TINAGL1: variants seen among roughly 807,000 people sequenced by gnomAD.
TINAGL1 encodes the protein tubulointerstitial nephritis antigen like 1, also known as tubulointerstitial nephritis antigen-like.
TINAGL1 carries 34 observed loss-of-function variants against 62.0 expected under a neutral mutation model. The observed-to-expected ratio is 0.55, with a 90% CI of 0.42 to 0.73. The LOEUF (loss-of-function observed/expected upper bound fraction) is 0.73. Among genes scored for constraint, TINAGL1 ranks in the 30% least tolerant of loss-of-function variants. The probability of loss-of-function intolerance (pLI) is 0.00; values close to 1 mark genes in which losing one functional copy is unlikely to be tolerated. For missense variants in TINAGL1, 516 were observed against 653.2 expected, an observed-to-expected ratio of 0.79 and a Z score of 2.29; for synonymous variants, 221 against 249.7, an observed-to-expected ratio of 0.88 and a Z score of 1.08.
In TINAGL1 at chr1:31,584,459, C is replaced by A; in HGVS notation, c.583-219C>A. On this transcript the variant is annotated intron_variant, in intron 5 of 11. Coordinates refer to ENST00000271064, the MANE Select transcript of TINAGL1 (RefSeq NM_022164.3). This position sits in a 1 kb window ranked among gnomAD's most constrained non-coding sequence, Gnocchi z 4.0. ...AAGCAGGACTAGTCACCACCGCCACCCCGCCCCGCCCCACCACCTGATACC... is the reference window on the plus strand; with the variant it reads ...AAGCAGGACTAGTCACCACCGCCACACCGCCCCGCCCCACCACCTGATACC... 1 of 617,700 alleles carries A rather than the reference C, an allele frequency of 1.6e-6. No homozygotes were observed. The highest frequency in any genetic ancestry group is 3.2e-5 in the East Asian group (1 of 31,424). 38.3% of individuals were successfully genotyped at this position (617,700 alleles called of 1,614,324 possible).
rs565042661 is a variant in TINAGL1 at position 31,576,753 on chromosome 1, G to C, written c.-16+158G>C. 3.9e-5 allele frequency among the ~76,000 whole-genome samples: 6 copies of C among 152,314 alleles called. No homozygotes were observed. Among genetic ancestry groups the C allele is most frequent in the African/African-American group, 1.4e-4 (6 of 41,576 alleles). ...AAGAGAGGTGTACCCAAAAGACCGGGGGAGACAGGAAAGCACAAAGTCAAG... is the reference window on the plus strand; with the variant it reads ...AAGAGAGGTGTACCCAAAAGACCGGCGGAGACAGGAAAGCACAAAGTCAAG... On this transcript the variant is annotated intron_variant, in intron 1 of 11. Transcript: ENST00000271064. This position sits in a 1 kb window ranked among gnomAD's most constrained non-coding sequence, Gnocchi z 5.1.
At chr1:31,581,916 T>A (rs1199345998) in intron 3 of TINAGL1, among the ~76,000 whole-genome samples, 1 of 152,214 alleles carries the variant, frequency 6.6e-6, no homozygotes, top group African/African-American at 2.4e-5. Flanking sequence ...AGTCATTGAC[T>A]CAGTTAACAA....
chr1:31,584,991 G>A lies in TINAGL1; in HGVS notation c.812G>A (p.Arg271His), dbSNP rs948277692. 11 of 1,610,902 alleles carry A rather than the reference G, an allele frequency of 6.8e-6. No individual in the cohort carries two copies. The highest frequency in any genetic ancestry group is 4.0e-5 in the African/African-American group (3 of 74,888). The change falls in exon 7 of 12, where the codon CGC (arginine) becomes CAC (histidine). Residue 271 changes from arginine to histidine, a missense_variant. Coordinates refer to ENST00000271064, the MANE Select transcript of TINAGL1 (RefSeq NM_022164.3). The surrounding 1 kb of genome is among the most constrained non-coding windows in gnomAD (Gnocchi z 4.0). ...SCDTHQQQGC[R>H]GGRLDGAWWF... Reference sequence around the variant, plus strand: ...GACACCCACCAGCAGCAGGGCTGCCGCGGTGGGCGTCTCGATGGTGCCTGG... The same window carrying A: ...GACACCCACCAGCAGCAGGGCTGCCACGGTGGGCGTCTCGATGGTGCCTGG...
At chr1:31,586,324 A>G in intron 10 of TINAGL1, 1 of 401,296 alleles carries the variant, frequency 2.5e-6, no homozygotes, top group Non-Finnish European at 4.5e-6. Context: ...TAAGATACCC[A>G]TATTCTCAGA....
At position 31,585,454 on chromosome 1, in the gene TINAGL1, G is replaced by A. The variant is rs867171875; in HGVS notation, c.1062G>A (p.Met354Ile). Residue 354 changes from methionine to isoleucine, a missense_variant, in exon 9 of 12, where the codon ATG becomes ATA. By Grantham distance (10) the Met-to-Ile change is conservative. Coordinates refer to ENST00000271064, the MANE Select transcript of TINAGL1 (RefSeq NM_022164.3). This position sits in a 1 kb window ranked among gnomAD's most constrained non-coding sequence, Gnocchi z 4.3. ...YRLGSNDKEI[M>I]KELMENGPVQ... is the part of the protein sequence containing the mutation. ...CTGCCCTCCAGGACAAGGAGATCATGAAGGAGCTGATGGAGAATGGCCCTG... is the reference window on the plus strand; with the variant it reads ...CTGCCCTCCAGGACAAGGAGATCATAAAGGAGCTGATGGAGAATGGCCCTG... 1 of 1,614,216 alleles carries A rather than the reference G, an allele frequency of 6.2e-7. No individual in the cohort carries two copies. Among genetic ancestry groups the A allele is most frequent in the Non-Finnish European group, 8.5e-7 (1 of 1,180,034 alleles).
At chr1:31,586,799 C>T (rs1340011177) in intron 11 of TINAGL1, 40 bp from the exon 12 acceptor site, 3 of 1,548,224 alleles carry the variant, frequency 1.9e-6, no homozygotes, top group South Asian at 1.2e-5. Context: ...CCCCTCGCCC[C>T]ACTCCCATTC....
Position 31,584,415 on chromosome 1 carries a change from C to A in TINAGL1, c.583-263C>A. 2.0e-6 allele frequency: 1 copy of A among 495,568 alleles called. No individual in the cohort carries two copies. 30.7% of individuals were successfully genotyped at this position (495,568 alleles called of 1,614,324 possible). Reference sequence around the variant, plus strand: ...GCCTGGCCACTTCTCTGTGCCTGGCCTCAGCTGCCTCATCTGGGAAGCAGG... The same window carrying A: ...GCCTGGCCACTTCTCTGTGCCTGGCATCAGCTGCCTCATCTGGGAAGCAGG... On this transcript the variant is annotated intron_variant, in intron 5 of 11. Transcript: ENST00000271064. The surrounding 1 kb of genome is among the most constrained non-coding windows in gnomAD (Gnocchi z 4.0).
At chr1:31,582,465 T>C (rs945212) in intron 3 of TINAGL1, among the ~76,000 whole-genome samples, 150,025 of 152,290 alleles carry the variant, frequency 0.99, 73,937 homozygotes, top group East Asian at 1. Context: ...AGGGCCTTGT[T>C]GTCACCAAAC....
intron 2 of TINAGL1, among the ~76,000 whole-genome samples, chr1:31,578,434 G>GGTGT (rs10577314): frequency 0.056 from 5,558 of 99,822 alleles, 241 homozygotes; most frequent in African/African-American, 0.076. Context: ...AGTGACAGCT[G>GGTGT]GTGTGTGTGT....
Position 31,583,400 on chromosome 1 carries a change from C to A in TINAGL1, c.468-61C>A. ...GTGCGTCTCTCCCACCCACATGCAC[C>A]CACGCCAAGGACCCTGAGCCTCGGC... On this transcript the variant is annotated intron_variant, in intron 4 of 11. Coordinates refer to ENST00000271064, the MANE Select transcript of TINAGL1 (RefSeq NM_022164.3). The surrounding 1 kb of genome is among the most constrained non-coding windows in gnomAD (Gnocchi z 4.4). 1 of 1,539,832 alleles carries A rather than the reference C, an allele frequency of 6.5e-7. No individual in the cohort carries two copies.
chr1:31,584,599 G>T lies in TINAGL1; in HGVS notation c.583-79G>T. On this transcript the variant is annotated intron_variant, in intron 5 of 11. Coordinates refer to ENST00000271064, the MANE Select transcript of TINAGL1 (RefSeq NM_022164.3). The surrounding 1 kb of genome is among the most constrained non-coding windows in gnomAD (Gnocchi z 4.0). ...AACTGCAGAAGGCCCTGGACTTGGT[G>T]GCCCTCCAGTGCCAATGGGCACCTG... 6.3e-7 allele frequency: 1 copy of T among 1,599,696 alleles called. No individual in the cohort carries two copies. Among genetic ancestry groups the T allele is most frequent in the Non-Finnish European group, 8.5e-7 (1 of 1,170,546 alleles).
At chr1:31,580,533 G>T in intron 3 of TINAGL1, 6 of 1,289,252 alleles carry the variant, frequency 4.7e-6, no homozygotes, top group Non-Finnish European at 6.1e-6. Flanking sequence ...GTGCAGAGAG[G>T]GAAAGGAAGG....
At position 31,585,068 on chromosome 1, in the gene TINAGL1, G is replaced by A. The variant is rs753366205; in HGVS notation, c.857+32G>A. ...AGCAACAGGGGATGTGGGCAGAGAAGAGGGCAAGGAGCTCCGTGGGCATGG... is the reference window on the plus strand; with the variant it reads ...AGCAACAGGGGATGTGGGCAGAGAAAAGGGCAAGGAGCTCCGTGGGCATGG... On this transcript the variant is annotated intron_variant, in intron 7 of 11. Transcript: ENST00000271064. The surrounding 1 kb of genome is among the most constrained non-coding windows in gnomAD (Gnocchi z 4.3). 6.4e-7 allele frequency: 1 copy of A among 1,574,106 alleles called. No homozygotes were observed. Among genetic ancestry groups the A allele is most frequent in the Admixed American group, 1.8e-5 (1 of 55,886 alleles).
rs970139633 is a variant in TINAGL1 at position 31,583,790 on chromosome 1, G to A, written c.582+215G>A. 6 of 580,144 alleles carry A rather than the reference G, an allele frequency of 1.0e-5. No individual in the cohort carries two copies. The highest frequency in any genetic ancestry group is 3.7e-5 in the African/African-American group (2 of 53,526). 35.9% of individuals were successfully genotyped at this position (580,144 alleles called of 1,614,324 possible). On this transcript the variant is annotated intron_variant, in intron 5 of 11. Coordinates refer to ENST00000271064, the MANE Select transcript of TINAGL1 (RefSeq NM_022164.3). The surrounding 1 kb of genome is among the most constrained non-coding windows in gnomAD (Gnocchi z 4.4). ...ACTGATGCTCAGATTGAATTTCGTGGTCTTGGCATCAGCTCCCCCCTGATC... is the reference window on the plus strand; with the variant it reads ...ACTGATGCTCAGATTGAATTTCGTGATCTTGGCATCAGCTCCCCCCTGATC...
Position 31,583,451 on chromosome 1 carries a change from T to G in TINAGL1, c.468-10T>G. ...AGATCTGTGACTTCCTTCCGTCCCC[T>G]CTCCTTCAGCTGGCAGGCTGGGAAC... On this transcript the variant is annotated splice_polypyrimidine_tract_variant and intron_variant, in intron 4 of 11. Transcript: ENST00000271064. This position sits in a 1 kb window ranked among gnomAD's most constrained non-coding sequence, Gnocchi z 4.4. The G allele has an allele frequency of 6.2e-7, 1 of 1,612,160 alleles. No individual in the cohort carries two copies. The highest frequency in any genetic ancestry group is 2.2e-5 in the East Asian group (1 of 44,836).
At position 31,585,093 on chromosome 1, in the gene TINAGL1, G is replaced by T. The variant is rs1364894117; in HGVS notation, c.857+57G>T. The T allele has an allele frequency of 4.5e-6, 7 of 1,567,886 alleles. No individual in the cohort carries two copies. The highest frequency in any genetic ancestry group is 4.1e-5 in the African/African-American group (3 of 73,764). ...GAGGGCAAGGAGCTCCGTGGGCATG[G>T]CCTGGGCCATGATGCACTGAGTCTT... On this transcript the variant is annotated intron_variant, in intron 7 of 11. Transcript: ENST00000271064. The surrounding 1 kb of genome is among the most constrained non-coding windows in gnomAD (Gnocchi z 4.3).
chr1:31,580,148 TGAG>T (rs1356507468), intron 3 of TINAGL1: 1 of 789,326 alleles, frequency 1.3e-6, no homozygotes, highest in Non-Finnish European at 1.7e-6. Flanking sequence ...CTCTGGACGT[TGAG>T]GGGTTAATGC....
chr1:31,585,700 C>T lies in TINAGL1; in HGVS notation c.1094-53C>T. On this transcript the variant is annotated intron_variant, in intron 9 of 11. Transcript: ENST00000271064. The surrounding 1 kb of genome is among the most constrained non-coding windows in gnomAD (Gnocchi z 4.3). The stretch of plus-strand genomic sequence containing the variant: ...GGGCACATCTCAATAGACTCAGGCT[C>T]CAGTGCCTGTGCCAACGGGCTGAGT... 1 of 1,588,222 alleles carries T rather than the reference C, an allele frequency of 6.3e-7. No individual in the cohort carries two copies. The highest frequency in any genetic ancestry group is 8.6e-7 in the Non-Finnish European group (1 of 1,166,306).
chr1:31,585,201 C>A lies in TINAGL1; in HGVS notation c.908C>A (p.Ala303Asp), dbSNP rs1337729989. 1 of 1,608,026 alleles carries A rather than the reference C, an allele frequency of 6.2e-7. No individual in the cohort carries two copies. Among genetic ancestry groups the A allele is most frequent in the East Asian group, 2.2e-5 (1 of 44,786 alleles). ...TTCTCGGGCCGTGAACGAGACGAGG[C>A]TGGCCCTGCGCCCCCCTGTATGATG... ...YPFSGRERDE[A>D]GPAPPCMMHS... The change falls in exon 8 of 12, where the codon GCT becomes GAT. Residue 303 changes from alanine (A) to aspartate (D), a missense_variant. Physicochemically the swap from Ala to Asp is moderately radical, Grantham distance 126. Coordinates refer to ENST00000271064, the MANE Select transcript of TINAGL1 (RefSeq NM_022164.3). This position sits in a 1 kb window ranked among gnomAD's most constrained non-coding sequence, Gnocchi z 4.3.
Sources: gnomAD v4.1 joint callset for allele counts (sites outside exome capture counted in the v4.1 genomes callset) on GRCh38, gnomAD v4.1.1 for gene constraint, Gnocchi (gnomAD v3.1) non-coding constraint, MANE v1.5 for transcripts, NCBI Gene and HGNC (gene_info 2026-07-23, HGNC 2026-07-21) for gene names.